Variants in OAS2 observed in about 807,000 individuals in gnomAD.
OAS2 encodes 2'-5'-oligoadenylate synthase 2.
A neutral mutation model predicts 71.3 loss-of-function variants in OAS2; 67 were observed. The ratio of observed to expected loss-of-function variants is 0.94; its 90% CI spans 0.77 to 1.15. The LOEUF (loss-of-function observed/expected upper bound fraction) is 1.15, where lower values mean the gene tolerates loss of function less well. Ranked by LOEUF, OAS2 falls within the 50% of genes most tolerant of loss-of-function variation. The pLI, the probability that OAS2 is intolerant of heterozygous loss-of-function variation, is 0.00. For synonymous variants in OAS2, 327 were observed against 321.8 expected, an observed-to-expected ratio of 1.02 and a Z score of -0.17; for missense variants, 789 against 822.5, an observed-to-expected ratio of 0.96 and a Z score of 0.50.
rs1251939352 is a variant in OAS2, at chr12:113,006,591, G to C, written c.1647G>C (p.Trp549Cys). 1 of 1,603,044 alleles carries C rather than the reference G, an allele frequency of 6.2e-7. No individual in the cohort carries two copies. Among genetic ancestry groups the C allele is most frequent in the African/African-American group, 1.3e-5 (1 of 74,882 alleles). The change falls in exon 8 of 10, where the codon TGG (tryptophan) becomes TGC (cysteine). Residue 549 changes from tryptophan to cysteine, a missense_variant. By Grantham distance (215) the Trp-to-Cys change is radical. Coordinates refer to ENST00000392583, the MANE Select transcript of OAS2 (RefSeq NM_002535.3). The stretch of plus-strand genomic sequence containing the variant: ...ATTTAATTCGCCTGGTGAAGCACTG[G>C]TACAAAGAGGTAAGGACAGTCTTTG... ...LKDLIRLVKHWYKECERKLKP... is the reference protein window; with the variant it reads ...LKDLIRLVKHCYKECERKLKP...
intron 1 of OAS2, among the ~76,000 whole-genome samples, chr12:112,979,752 C>T (rs539575211): frequency 2.1e-4 from 32 of 152,274 alleles, no homozygotes; most frequent in African/African-American, 6.5e-4. Flanking sequence ...CCCCCCAGAG[C>T]CCTGGGCCCC....
rs781433042 is a variant in OAS2, at chr12:112,998,408, C to G, written c.1006C>G (p.Leu336Val). 1.9e-6 allele frequency: 3 copies of G among 1,609,200 alleles called. No individual in the cohort carries two copies. Among genetic ancestry groups the G allele is most frequent in the Non-Finnish European group, 2.5e-6 (3 of 1,178,694 alleles). Residue 336 changes from leucine to valine, a missense_variant and splice_region_variant, in exon 5 of 10, where the codon CTG becomes GTG. By Grantham distance (32) the Leu-to-Val change is conservative. Coordinates refer to ENST00000392583, the MANE Select transcript of OAS2 (RefSeq NM_002535.3). ...GTTACCTGCACCATCTTGGAATGTT[C>G]TGGTAAGAGGGTTTTCCAAATACAG... ...NELPAPSWNV[L>V]PAPLFTTPGH...
At chr12:113,005,928 A>C (rs1374153327) in intron 7 of OAS2, among the ~76,000 whole-genome samples, 18,497 of 105,568 alleles carry the variant, frequency 0.18, 858 homozygotes, top group Non-Finnish European at 0.26. Context: ...CAAAAAAAAA[A>C]AAAAAAAAAA....
chr12:113,006,376 G>A (rs780624512), intron 7 of OAS2, 37 bp from the exon 8 acceptor site: 16 of 1,475,926 alleles, frequency 1.1e-5, no homozygotes, highest in Non-Finnish European at 1.5e-5. Flanking sequence ...CTTACTATGT[G>A]TATTAAAGCA....
intron 1 of OAS2, among the ~76,000 whole-genome samples, chr12:112,980,803 C>T (rs2044074304): frequency 6.6e-6 from 1 of 152,114 alleles, no homozygotes; most frequent in Admixed American, 6.6e-5. Context: ...ATACTGTTTT[C>T]CGTAATGACT....
chr12:113,009,405 A>G lies in OAS2; in HGVS notation c.*150A>G. The G allele has an allele frequency of 6.8e-7, 1 of 1,475,132 alleles. No individual in the cohort carries two copies. Among genetic ancestry groups the G allele is most frequent in the Non-Finnish European group, 8.9e-7 (1 of 1,117,592 alleles). 91.4% of individuals were successfully genotyped at this position (1,475,132 alleles called of 1,614,324 possible). The stretch of plus-strand genomic sequence containing the variant: ...GGTCAGCCCCCTAAGCCCCCACTAC[A>G]AGTGATCCTCAGGCAGGTAACCCCA... On this transcript the variant is annotated 3_prime_UTR_variant, in exon 10 of 10. Transcript: ENST00000392583.
Sources: allele counts gnomAD v4.1 joint callset (sites outside exome capture counted in the v4.1 genomes callset), GRCh38; gene constraint gnomAD v4.1.1; transcripts MANE v1.5; gene names NCBI Gene and HGNC (gene_info 2026-07-23, HGNC 2026-07-21).